The following FOXP1 variants were observed in gnomAD, a reference collection of about 807,000 sequenced individuals.
FOXP1 encodes the protein forkhead box P1.
Under a neutral mutation model 98.2 loss-of-function variants are expected in FOXP1, and 15 were observed. The observed-to-expected ratio is 0.15, with a 90% CI of 0.10 to 0.24. The LOEUF (loss-of-function observed/expected upper bound fraction) is 0.24, where lower values mean the gene tolerates loss of function less well. FOXP1 is among the 10% of genes least tolerant of loss of function. The pLI is 1.00. For synonymous variants in FOXP1, 371 were observed against 314.5 expected (o/e 1.18, Z -1.90); for missense variants, 633 against 848.5 (o/e 0.75, Z 3.15).
intron 2 of FOXP1, among the ~76,000 whole-genome samples, chr3:71,546,356 G>A (rs1325227482): frequency 6.6e-6 from 1 of 152,154 alleles, no homozygotes; most frequent in African/African-American, 2.4e-5. Flanking sequence ...CTCATTAACT[G>A]AGCTTAGAGA....
chr3:71,237,231 G>GAAAAAAAAAA lies in FOXP1; in HGVS notation c.-11-38849_-11-38840dup, dbSNP rs757405755. 1.5e-3 allele frequency among the ~76,000 whole-genome samples: 43 copies of GAAAAAAAAAA among 28,286 alleles called. 8 individuals are homozygous for GAAAAAAAAAA. The highest frequency in any genetic ancestry group is 1.9e-3 in the Non-Finnish European group (32 of 17,168). The allele number at this position is 28,286 out of a possible 152,430, so 18.6% of individuals were successfully genotyped here. A position where few individuals can be genotyped will look rare whatever the true frequency, so the allele number is the denominator to read the frequency against. The stretch of plus-strand genomic sequence containing the variant: ...TGGGCGACAGAGCAAGACTCCATCT[G>GAAAAAAAAAA]AAAAAAAAAAAAAAAAAAAAAAAAA... On this transcript the variant is annotated intron_variant, in intron 5 of 20. Coordinates refer to ENST00000649528, the MANE Select transcript of FOXP1 (RefSeq NM_001349338.3).
At chr3:71,346,251 A>C (rs1297929465) in intron 4 of FOXP1, among the ~76,000 whole-genome samples, 2 of 152,214 alleles carry the variant, frequency 1.3e-5, no homozygotes, top group Non-Finnish European at 2.9e-5. Context: ...GCTCTCCTGC[A>C]GATGTTGGAG....
intron 3 of FOXP1, among the ~76,000 whole-genome samples, chr3:71,416,656 G>A (rs2083249595): frequency 6.6e-6 from 1 of 151,914 alleles, no homozygotes; most frequent in Non-Finnish European, 1.5e-5. Flanking sequence ...GGTGACAACT[G>A]AGCTGAGAGC....
At chr3:71,423,607 A>G (rs935164998) in intron 3 of FOXP1, among the ~76,000 whole-genome samples, 1 of 152,250 alleles carries the variant, frequency 6.6e-6, no homozygotes, top group South Asian at 2.1e-4. Flanking sequence ...GACCTGACAA[A>G]GAATCATAGG....
chr3:71,254,306 G>A (rs1212675421), intron 5 of FOXP1, among the ~76,000 whole-genome samples: 2 of 152,132 alleles, frequency 1.3e-5, no homozygotes, highest in African/African-American at 4.8e-5. Context: ...CCCCCGCAAA[G>A]TGTGACTAGA....
At chr3:71,559,795 C>T (rs952000334) in intron 2 of FOXP1, among the ~76,000 whole-genome samples, 2 of 150,714 alleles carry the variant, frequency 1.3e-5, no homozygotes, top group Non-Finnish European at 2.9e-5. Flanking sequence ...TGCAGTGAGC[C>T]GTGATTGCAT....
intron 6 of FOXP1, among the ~76,000 whole-genome samples, chr3:71,194,868 T>G (rs2063207658): frequency 6.6e-6 from 1 of 152,196 alleles, no homozygotes; most frequent in Non-Finnish European, 1.5e-5. Context: ...CATTTAGTCT[T>G]GAGGAAGAAA....
chr3:71,581,840 T>A (rs2048196681), intron 1 of FOXP1, 143 bp from the exon 2 acceptor site: 1 of 985,284 alleles, frequency 1.0e-6, no homozygotes, highest in South Asian at 4.7e-5. Flanking sequence ...CGAGTGCGCG[T>A]GGAGGGAAGA....
At chr3:70,959,415 A>T (rs1180238169) in intron 20 of FOXP1, 24 bp from the exon 21 acceptor site, 1 of 1,613,850 alleles carries the variant, frequency 6.2e-7, no homozygotes, top group East Asian at 2.2e-5. Flanking sequence ...GCAGAGGTTC[A>T]GTGAGGGTAC....
chr3:71,512,724 G>A (rs540542274), intron 2 of FOXP1, among the ~76,000 whole-genome samples: 2 of 152,314 alleles, frequency 1.3e-5, no homozygotes, highest in Middle Eastern at 3.4e-3. Context: ...CAGAAAGGGA[G>A]TCAACCAACT....
At chr3:71,254,688 T>C (rs1443344477) in intron 5 of FOXP1, among the ~76,000 whole-genome samples, 2 of 152,172 alleles carry the variant, frequency 1.3e-5, no homozygotes, top group Admixed American at 1.3e-4. Flanking sequence ...GCTTTACTGT[T>C]AGCCCTGAAA....
chr3:71,432,878 AG>A (rs1413792023), intron 3 of FOXP1, among the ~76,000 whole-genome samples: 16 of 151,288 alleles, frequency 1.1e-4, no homozygotes, highest in Non-Finnish European at 1.9e-4. Flanking sequence ...TAAAAAAAAA[AG>A]CCCCATGATT....
At position 70,959,211 on chromosome 3, in the gene FOXP1, C is replaced by A. The variant is rs1232277054; in HGVS notation, c.*36G>T. On this transcript the variant is annotated 3_prime_UTR_variant, in exon 21 of 21. Transcript: ENST00000649528. ...ACGTGTTTTTTTTTTTTTCCTTTTT[C>A]CAATCTTCATTCTCGGGGTTGGCCC... is the stretch of plus-strand genomic sequence containing the variant. 1 of 1,549,914 alleles carries A rather than the reference C, an allele frequency of 6.5e-7. No individual in the cohort carries two copies.
chr3:71,070,369 G>A (rs750510317), intron 7 of FOXP1, among the ~76,000 whole-genome samples: 3 of 152,170 alleles, frequency 2.0e-5, no homozygotes, highest in Non-Finnish European at 4.4e-5. Flanking sequence ...TCCGGGGAGA[G>A]CATGTCGGCG....
chr3:71,026,661 C>T (rs778913699), intron 11 of FOXP1, among the ~76,000 whole-genome samples: 7 of 152,200 alleles, frequency 4.6e-5, no homozygotes, highest in Non-Finnish European at 7.3e-5. Flanking sequence ...CTAGGTGCCA[C>T]GAAAGGTAGT....
chr3:71,000,948 T>C, intron 13 of FOXP1, 24 bp downstream of exon 13: 2 of 1,474,246 alleles, frequency 1.4e-6, no homozygotes, highest in Non-Finnish European at 9.5e-7. Flanking sequence ...CTGAGGTTAA[T>C]ATTAAAAATA....
rs1052008872 is a variant in FOXP1, at chr3:71,378,068, C to T, written c.-167-18824G>A. Among the ~76,000 whole-genome samples the T allele has an allele frequency of 3.0e-4, 38 of 128,758 alleles. No homozygotes were observed. In the Admixed American group the frequency reaches 3.2e-3, roughly 11 times the overall value. 84.5% of individuals were successfully genotyped at this position (128,758 alleles called of 152,430 possible). ...CAAAGATTCCTTTCCAAATCATATGCGAAAAGGGAATCAATACAGGCCAAG... is the reference window on the plus strand; with the variant it reads ...CAAAGATTCCTTTCCAAATCATATGTGAAAAGGGAATCAATACAGGCCAAG... On this transcript the variant is annotated intron_variant, in intron 3 of 20. Coordinates refer to ENST00000649528, the MANE Select transcript of FOXP1 (RefSeq NM_001349338.3).
intron 7 of FOXP1, among the ~76,000 whole-genome samples, chr3:71,109,427 G>GGT (rs557144542): frequency 4.1e-5 from 6 of 147,528 alleles, no homozygotes; most frequent in African/African-American, 1.5e-4. Flanking sequence ...GGATTTGGGG[G>GGT]TTTTTTTTTT....
chr3:71,582,893 CG>C, intron 1 of FOXP1: 2 of 826,612 alleles, frequency 2.4e-6, no homozygotes, highest in Non-Finnish European at 2.9e-6. Flanking sequence ...TTCCCCAGTG[CG>C]GGGCCCAGGG....
Sources: gnomAD v4.1 joint callset for allele counts (sites outside exome capture counted in the v4.1 genomes callset) on GRCh38, gnomAD v4.1.1 for gene constraint, MANE v1.5 for transcripts, NCBI Gene and HGNC (gene_info 2026-07-23, HGNC 2026-07-21) for gene names.